The following ZNF804B variants were observed in gnomAD, a reference collection of about 807,000 sequenced individuals.
ZNF804B encodes the protein zinc finger 804B.
A neutral mutation model predicts 101.4 loss-of-function variants in ZNF804B; 80 were observed. That is an observed-to-expected ratio of 0.79 (90% confidence interval 0.66 to 0.95). The LOEUF (loss-of-function observed/expected upper bound fraction) is 0.95. Among genes scored for constraint, ZNF804B ranks in the 40% least tolerant of loss-of-function variants. The pLI is 0.00. For synonymous variants in ZNF804B, 622 were observed against 558.8 expected (o/e 1.11, Z -1.59); for missense variants, 1,673 against 1,561.9 (o/e 1.07, Z -1.20).
intron 1 of ZNF804B, among the ~76,000 whole-genome samples, chr7:89,032,045 C>A (rs1165468451): frequency 6.6e-6 from 1 of 151,804 alleles, no homozygotes; most frequent in African/African-American, 2.4e-5. Context: ...GCAAGCTTTC[C>A]TTTTTGGAGA....
chr7:89,317,259 G>A (rs961811053), intron 2 of ZNF804B, among the ~76,000 whole-genome samples: 18 of 152,196 alleles, frequency 1.2e-4, no homozygotes, highest in Non-Finnish European at 2.5e-4. Context: ...CTATACTCTT[G>A]ATTATAGGTT....
chr7:89,202,356 C>A (rs543406088), intron 1 of ZNF804B, among the ~76,000 whole-genome samples: 9 of 151,954 alleles, frequency 5.9e-5, no homozygotes, highest in Non-Finnish European at 8.8e-5. Flanking sequence ...ATAGCTACAA[C>A]TAGTGATCTA....
intron 1 of ZNF804B, among the ~76,000 whole-genome samples, chr7:88,788,683 G>A (rs1790337905): frequency 6.6e-6 from 1 of 152,094 alleles, no homozygotes. Context: ...AAACAACATA[G>A]TTGTATAACA....
intron 1 of ZNF804B, among the ~76,000 whole-genome samples, chr7:88,881,904 A>G (rs1370102905): frequency 6.6e-6 from 1 of 152,216 alleles, no homozygotes; most frequent in Non-Finnish European, 1.5e-5. Flanking sequence ...GTCTTATCTT[A>G]GAAATAAAGG....
At chr7:89,263,345 T>G (rs546661747) in intron 2 of ZNF804B, among the ~76,000 whole-genome samples, 1 of 140,926 alleles carries the variant, frequency 7.1e-6, no homozygotes, top group East Asian at 2.0e-4. Context: ...AAAGTTGTGC[T>G]TTGATATGGC....
intron 1 of ZNF804B, among the ~76,000 whole-genome samples, chr7:89,008,826 A>G (rs1788410627): frequency 6.6e-6 from 1 of 152,046 alleles, no homozygotes; most frequent in South Asian, 2.1e-4. Context: ...ATCTGCTCCC[A>G]TCTCCTTGAA....
At chr7:89,171,079 A>G (rs986273979) in intron 1 of ZNF804B, among the ~76,000 whole-genome samples, 1 of 152,226 alleles carries the variant, frequency 6.6e-6, no homozygotes, top group African/African-American at 2.4e-5. Context: ...TGAATGACCA[A>G]TAAGGCTGGT....
intron 1 of ZNF804B, among the ~76,000 whole-genome samples, chr7:88,774,396 T>C (rs1790113450): frequency 6.6e-6 from 1 of 151,918 alleles, no homozygotes; most frequent in African/African-American, 2.4e-5. Flanking sequence ...AAGAAAGCAA[T>C]AGAGCACTAG....
chr7:89,203,677 C>T (rs1455132505), intron 1 of ZNF804B, among the ~76,000 whole-genome samples: 2 of 152,040 alleles, frequency 1.3e-5, no homozygotes, highest in African/African-American at 2.4e-5. Context: ...TTTGTGAACA[C>T]AATCACTTTT....
intron 2 of ZNF804B, among the ~76,000 whole-genome samples, chr7:89,280,912 GT>G (rs1562935875): frequency 1.3e-5 from 2 of 152,062 alleles, no homozygotes; most frequent in South Asian, 2.1e-4. Flanking sequence ...TTATAAAGGA[GT>G]TTTTTTCAAG....
chr7:89,027,358 G>C (rs1788766694), intron 1 of ZNF804B, among the ~76,000 whole-genome samples: 1 of 152,076 alleles, frequency 6.6e-6, no homozygotes, highest in Non-Finnish European at 1.5e-5. Flanking sequence ...CTGCACAATG[G>C]TAGATGGACT....
intron 1 of ZNF804B, among the ~76,000 whole-genome samples, chr7:88,944,913 T>C (rs1562839838): frequency 6.6e-6 from 1 of 151,766 alleles, no homozygotes; most frequent in South Asian, 2.1e-4. Flanking sequence ...GTGTGTAATG[T>C]ATATATAAAA....
At chr7:88,907,600 G>A (rs1792492877) in intron 1 of ZNF804B, among the ~76,000 whole-genome samples, 1 of 151,886 alleles carries the variant, frequency 6.6e-6, no homozygotes. Flanking sequence ...TTTTGTAGAT[G>A]ATGAAACTGA....
intron 1 of ZNF804B, among the ~76,000 whole-genome samples, chr7:88,908,236 T>C (rs1489033157): frequency 1.3e-5 from 2 of 151,834 alleles, no homozygotes; most frequent in Admixed American, 6.6e-5. Context: ...AATAATTTTT[T>C]TATTTTACTT....
In ZNF804B at chr7:88,800,400, G is replaced by A. The variant is rs137926939; in HGVS notation, c.108+40316G>A. ...GGAGAGCGCAGGCTAGGAACATTTAGTTAATTGATTACAACATTTCACATA... is the reference window on the plus strand; with the variant it reads ...GGAGAGCGCAGGCTAGGAACATTTAATTAATTGATTACAACATTTCACATA... On this transcript the variant is annotated intron_variant, in intron 1 of 3. Transcript: ENST00000333190. 5.4e-4 allele frequency among the ~76,000 whole-genome samples: 82 copies of A among 152,178 alleles called. 2 individuals are homozygous for A. In the East Asian group the frequency reaches 0.016, roughly 29 times the overall value.
rs1293071869 is a variant in ZNF804B at position 88,854,423 on chromosome 7, CT to C, written c.108+94342del. On this transcript the variant is annotated intron_variant, in intron 1 of 3. Coordinates refer to ENST00000333190, the MANE Select transcript of ZNF804B (RefSeq NM_181646.5). ...TCTTTCTTTCTTTCTTCCTTTCTTT[CT>C]TTCTTTCTTTCTTTCTTTCTTTCTT... is the stretch of plus-strand genomic sequence containing the variant. 2.2e-3 allele frequency among the ~76,000 whole-genome samples: 218 copies of C among 99,924 alleles called. 7 individuals carry two copies. The highest frequency in any genetic ancestry group is 7.9e-3 in the African/African-American group (207 of 26,276). 65.6% of individuals were successfully genotyped at this position (99,924 alleles called of 152,430 possible). A position where few individuals can be genotyped will look rare whatever the true frequency, so the allele number is the denominator to read the frequency against.
intron 1 of ZNF804B, among the ~76,000 whole-genome samples, chr7:89,088,053 T>C (rs1343578791): frequency 6.6e-6 from 1 of 151,764 alleles, no homozygotes; most frequent in Non-Finnish European, 1.5e-5. Flanking sequence ...TATTTGATTT[T>C]ACAGACAAGA....
At chr7:88,762,457 C>T (rs1789913324) in intron 1 of ZNF804B, among the ~76,000 whole-genome samples, 2 of 152,142 alleles carry the variant, frequency 1.3e-5, no homozygotes, top group South Asian at 4.1e-4. Context: ...ACCTTAGACC[C>T]TTACACACTT....
At chr7:88,776,565 T>G (rs1418977072) in intron 1 of ZNF804B, among the ~76,000 whole-genome samples, 36 of 143,024 alleles carry the variant, frequency 2.5e-4, no homozygotes, top group South Asian at 4.4e-4. Context: ...GTTTTGTTTT[T>G]TTTTTTTTTT....
Sources: gnomAD v4.1 joint callset for allele counts (sites outside exome capture counted in the v4.1 genomes callset) on GRCh38, gnomAD v4.1.1 for gene constraint, MANE v1.5 for transcripts, NCBI Gene and HGNC (gene_info 2026-07-23, HGNC 2026-07-21) for gene names.